CARMIL3: variants seen among roughly 807,000 people sequenced by gnomAD.
CARMIL3 encodes the protein capping protein, Arp2/3 and myosin-I linker protein 3.
CARMIL3 carries 88 observed loss-of-function variants against 180.8 expected under a neutral mutation model. That is an observed-to-expected ratio of 0.49 (90% confidence interval 0.41 to 0.58). CARMIL3 has a LOEUF of 0.58. CARMIL3 is among the 20% of genes least tolerant of loss of function. CARMIL3 has a pLI of 0.00. For synonymous variants in CARMIL3, 696 were observed against 714.5 expected (o/e 0.97, Z 0.41); for missense variants, 1,548 against 1,787.0 (o/e 0.87, Z 2.41).
At chr14:24,056,024 C>T (rs1432551716) in intron 10 of CARMIL3, among the ~76,000 whole-genome samples, 1 of 152,190 alleles carries the variant, frequency 6.6e-6, no homozygotes, top group Non-Finnish European at 1.5e-5. Flanking sequence ...CATGCCCCGT[C>T]CTCTTTTTCC....
chr14:24,054,583 G>A lies in CARMIL3; in HGVS notation c.362+72G>A, dbSNP rs2035653521. On this transcript the variant is annotated intron_variant, in intron 5 of 39. Transcript: ENST00000342740. The surrounding 1 kb of genome is among the most constrained non-coding windows in gnomAD (Gnocchi z 5.1). ...AGTTCATCCCTTCCTCCTTCCCCTGGGCCAGGGCTGAGAAGGAGAGCTCTC... is the reference window on the plus strand; with the variant it reads ...AGTTCATCCCTTCCTCCTTCCCCTGAGCCAGGGCTGAGAAGGAGAGCTCTC... 2.0e-6 allele frequency: 3 copies of A among 1,535,606 alleles called. 1 individual carries two copies. Among genetic ancestry groups the A allele is most frequent in the South Asian group, 2.3e-5 (2 of 87,456 alleles).
At chr14:24,053,036 G>C (rs1396023913) in intron 1 of CARMIL3, among the ~76,000 whole-genome samples, 1 of 151,794 alleles carries the variant, frequency 6.6e-6, no homozygotes, top group African/African-American at 2.4e-5. Flanking sequence ...CATCTTCACA[G>C]AGATGGCACC....
chr14:24,057,203 G>T lies in CARMIL3; in HGVS notation c.1099G>T (p.Val367Leu). Residue 367 changes from valine (V) to leucine (L), a missense_variant, in exon 14 of 40, where the codon GTG becomes TTG. By Grantham distance (32) the Val-to-Leu change is conservative (BLOSUM62 1). Coordinates refer to ENST00000342740, the MANE Select transcript of CARMIL3 (RefSeq NM_138360.4). ...YSFLAQPNAL[V>L]HLDLSGTDCV... ...TTTCCTGGCCCAACCCAACGCCCTG[G>T]TGCACCTGGACCTGTCAGGAACTGA... The T allele has an allele frequency of 6.2e-7, 1 of 1,614,082 alleles. No homozygotes were observed. The highest frequency in any genetic ancestry group is 2.2e-5 in the East Asian group (1 of 44,892).
Position 24,065,113 on chromosome 14 carries a change from T to TCCCGG in CARMIL3, c.3239_3240insGGCCC (p.Pro1081AlafsTer149). ...GGGTCCCCTACCACTGGACTCCTCC[T>TCCCGG]CCCTCCACCCCCACCCCCTCCCCCG... is the stretch of plus-strand genomic sequence containing the variant. On this transcript the variant is annotated frameshift_variant, in exon 33 of 40. Coordinates refer to ENST00000342740, the MANE Select transcript of CARMIL3 (RefSeq NM_138360.4). LOFTEE classifies it high-confidence loss of function. 7.0e-7 allele frequency: 1 copy of TCCCGG among 1,435,698 alleles called. No homozygotes were observed. The highest frequency in any genetic ancestry group is 9.3e-7 in the Non-Finnish European group (1 of 1,070,218). The allele number at this position is 1,435,698 out of a possible 1,614,324, so 88.9% of individuals were successfully genotyped here.
At chr14:24,056,786 C>A in intron 12 of CARMIL3, 78 bp downstream of exon 12, 1 of 1,513,124 alleles carries the variant, frequency 6.6e-7, no homozygotes, top group Non-Finnish European at 9.1e-7. Flanking sequence ...GGTACACCCA[C>A]ACATTCACAC....
At position 24,063,140 on chromosome 14, in the gene CARMIL3, G is replaced by A; in HGVS notation, c.2727G>A (p.Lys909=). The stretch of plus-strand genomic sequence containing the variant: ...TGCAGGACACCATGGCCATCAAAAA[G>A]CAGAAACGCTGCCGCAAGATTCGGC... The part of the protein sequence containing the change: ...GTNIDTMAIK[K]QKRCRKIRPV... Residue 909 remains lysine (K), a synonymous_variant, in exon 30 of 40, where the codon AAG becomes AAA. Coordinates refer to ENST00000342740, the MANE Select transcript of CARMIL3 (RefSeq NM_138360.4). 2 of 1,613,592 alleles carry A rather than the reference G, an allele frequency of 1.2e-6. No homozygotes were observed. Among genetic ancestry groups the A allele is most frequent in the Non-Finnish European group, 8.5e-7 (1 of 1,179,522 alleles).
chr14:24,059,916 AG>A lies in CARMIL3; in HGVS notation c.1869-50del. On this transcript the variant is annotated intron_variant, in intron 22 of 39. Transcript: ENST00000342740. This position sits in a 1 kb window ranked among gnomAD's most constrained non-coding sequence, Gnocchi z 6.3. ...AGGGCTGCTCACCAACAGAGGAGGC[AG>A]GGGCCTCCCATCCTCACCTGTTCCC... 2 of 1,573,218 alleles carry A rather than the reference AG, an allele frequency of 1.3e-6. No homozygotes were observed. Among genetic ancestry groups the A allele is most frequent in the African/African-American group, 2.7e-5 (2 of 74,288 alleles).
Position 24,061,903 on chromosome 14 carries a change from A to G in CARMIL3, c.2480+231A>G. 2 of 533,262 alleles carry G rather than the reference A, an allele frequency of 3.8e-6. No individual in the cohort carries two copies. Among genetic ancestry groups the G allele is most frequent in the Non-Finnish European group, 6.6e-6 (2 of 300,936 alleles). 33.0% of individuals were successfully genotyped at this position (533,262 alleles called of 1,614,324 possible). On this transcript the variant is annotated intron_variant, in intron 27 of 39. Transcript: ENST00000342740. The surrounding 1 kb of genome is among the most constrained non-coding windows in gnomAD (Gnocchi z 4.1). ...CAAGTTTGTGCCCACACAGGTGTAC[A>G]CACACATACCCACACAAATACACCA...
Position 24,059,656 on chromosome 14 carries a change from C to A in CARMIL3, c.1800-8C>A. The A allele has an allele frequency of 6.2e-7, 1 of 1,613,684 alleles. No individual in the cohort carries two copies. On this transcript the variant is annotated splice_region_variant and splice_polypyrimidine_tract_variant and intron_variant, in intron 21 of 39. Coordinates refer to ENST00000342740, the MANE Select transcript of CARMIL3 (RefSeq NM_138360.4). The surrounding 1 kb of genome is among the most constrained non-coding windows in gnomAD (Gnocchi z 6.3). ...GAGGTGCCAAACTGGTGCTTACCCT[C>A]CCCCCAGAACTATCCTATGGGATCG...
rs760537826 is a variant in CARMIL3 at position 24,059,267 on chromosome 14, C to G, written c.1627-3C>G. ...TGGGTCCAACCGCCCCTTGCCCACA[C>G]AGTCCCTGCAGTCACTGTCGGTGGC... is the stretch of plus-strand genomic sequence containing the variant. On this transcript the variant is annotated splice_polypyrimidine_tract_variant and splice_region_variant and intron_variant, in intron 20 of 39. Coordinates refer to ENST00000342740, the MANE Select transcript of CARMIL3 (RefSeq NM_138360.4). The surrounding 1 kb of genome is among the most constrained non-coding windows in gnomAD (Gnocchi z 6.3). The G allele has an allele frequency of 6.2e-7, 1 of 1,613,718 alleles. No individual in the cohort carries two copies. The highest frequency in any genetic ancestry group is 8.5e-7 in the Non-Finnish European group (1 of 1,179,946).
chr14:24,068,365 C>G (rs535843673), intron 36 of CARMIL3, among the ~76,000 whole-genome samples: 2 of 150,148 alleles, frequency 1.3e-5, no homozygotes, highest in Non-Finnish European at 3.0e-5. Flanking sequence ...CCACTGTACT[C>G]CAGCCTGGGT....
intron 36 of CARMIL3, among the ~76,000 whole-genome samples, chr14:24,067,752 A>T (rs1015541521): frequency 1.3e-5 from 2 of 152,280 alleles, no homozygotes; most frequent in African/African-American, 4.8e-5. Flanking sequence ...CCCACTGCAC[A>T]CACACCTCAC....
At position 24,054,968 on chromosome 14, in the gene CARMIL3, G is replaced by A. The variant is rs2035657467; in HGVS notation, c.461-98G>A. On this transcript the variant is annotated intron_variant, in intron 6 of 39. Coordinates refer to ENST00000342740, the MANE Select transcript of CARMIL3 (RefSeq NM_138360.4). The surrounding 1 kb of genome is among the most constrained non-coding windows in gnomAD (Gnocchi z 5.1). The stretch of plus-strand genomic sequence containing the variant: ...AAGTTCATGGCATAGCAAGAACCAA[G>A]AGCACTGGCACATAAAGTGACCTTG... 2.8e-6 allele frequency: 4 copies of A among 1,451,896 alleles called. No homozygotes were observed. Among genetic ancestry groups the A allele is most frequent in the Non-Finnish European group, 3.8e-6 (4 of 1,043,562 alleles). 89.9% of individuals were successfully genotyped at this position (1,451,896 alleles called of 1,614,324 possible).
rs143341310 is a variant in CARMIL3 at position 24,066,617 on chromosome 14, T to A, written c.3643T>A (p.Phe1215Ile). Residue 1215 changes from phenylalanine to isoleucine, a missense_variant, in exon 36 of 40, where the codon TTC (phenylalanine) becomes ATC (isoleucine). Phe to Ile is a conservative substitution (Grantham distance 21). Coordinates refer to ENST00000342740, the MANE Select transcript of CARMIL3 (RefSeq NM_138360.4). ...ACCGCCCCAAAGCACCAAACCAAGCTTCAGCGCCATGCGCAGAGCAGAGGC... is the reference window on the plus strand; with the variant it reads ...ACCGCCCCAAAGCACCAAACCAAGCATCAGCGCCATGCGCAGAGCAGAGGC... ...PPPPQSTKPS[F>I]SAMRRAEATW... 2.0e-5 allele frequency: 33 copies of A among 1,614,044 alleles called. No individual in the cohort carries two copies. Among genetic ancestry groups the A allele is most frequent in the Non-Finnish European group, 2.5e-5 (29 of 1,180,036 alleles).
At chr14:24,066,256 G>T (rs2035785617) in intron 34 of CARMIL3, 142 bp from the exon 35 acceptor site, 1 of 937,032 alleles carries the variant, frequency 1.1e-6, no homozygotes, top group Non-Finnish European at 1.6e-6. Context: ...AGGTATGGGT[G>T]CCACTCTTTG....
chr14:24,053,246 C>T (rs1487398510), intron 1 of CARMIL3, among the ~76,000 whole-genome samples: 2 of 152,160 alleles, frequency 1.3e-5, no homozygotes, highest in Non-Finnish European at 2.9e-5. Context: ...GGCTCCCTGA[C>T]ATCTCCAGGA....
chr14:24,063,225 GC>G, intron 30 of CARMIL3, 42 bp downstream of exon 30: 1 of 1,599,812 alleles, frequency 6.3e-7, no homozygotes, highest in Non-Finnish European at 8.6e-7. Flanking sequence ...CCAGACTCCC[GC>G]CCTCTGTAGC....
At chr14:24,066,366 C>G (rs1029501982) in intron 34 of CARMIL3, 32 bp from the exon 35 acceptor site, 1 of 1,610,088 alleles carries the variant, frequency 6.2e-7, no homozygotes, top group African/African-American at 1.3e-5. Context: ...ACAGAGGAGA[C>G]TTTCTTACAA....
chr14:24,053,059 C>T (rs1476902047), intron 1 of CARMIL3, among the ~76,000 whole-genome samples: 1 of 148,534 alleles, frequency 6.7e-6, no homozygotes, highest in Admixed American at 6.6e-5. Flanking sequence ...AGCACACGCG[C>T]GTGCACACAC....
Sources: gnomAD v4.1 joint callset for allele counts (sites outside exome capture counted in the v4.1 genomes callset) on GRCh38, gnomAD v4.1.1 for gene constraint, Gnocchi (gnomAD v3.1) non-coding constraint, MANE v1.5 for transcripts, NCBI Gene and HGNC (gene_info 2026-07-23, HGNC 2026-07-21) for gene names.